Variants in PPARGC1A observed in about 807,000 individuals in gnomAD.
The protein encoded by PPARGC1A is PPARG coactivator 1 alpha, also known as peroxisome proliferator-activated receptor gamma coactivator 1-alpha.
PPARGC1A carries 25 observed loss-of-function variants against 88.7 expected under a neutral mutation model. The ratio of observed to expected loss-of-function variants is 0.28; its 90% CI spans 0.21 to 0.39. The LOEUF (loss-of-function observed/expected upper bound fraction) is 0.39, where lower values mean the gene tolerates loss of function less well. Among genes scored for constraint, PPARGC1A ranks in the 10% least tolerant of loss-of-function variants. PPARGC1A has a pLI of 1.00. For synonymous variants in PPARGC1A, 363 were observed against 355.6 expected (o/e 1.02, Z -0.24); for missense variants, 880 against 968.7 (o/e 0.91, Z 1.22).
the PPARGC1A span, among the ~76,000 whole-genome samples, chr4:24,161,731 G>C: frequency 6.6e-6 from 1 of 152,180 alleles, no homozygotes; most frequent in Admixed American, 6.5e-5. Flanking sequence ...GAGAAGGTCA[G>C]CAGGAAGGGG....
At chr4:24,252,211 A>C in the PPARGC1A span, among the ~76,000 whole-genome samples, 1 of 152,186 alleles carries the variant, frequency 6.6e-6, no homozygotes, top group Non-Finnish European at 1.5e-5. Flanking sequence ...TGTAAACATG[A>C]CTTGAGGGCA....
chr4:24,274,333 C>T, the PPARGC1A span, among the ~76,000 whole-genome samples: 1 of 152,058 alleles, frequency 6.6e-6, no homozygotes, highest in East Asian at 1.9e-4. Context: ...TCTGATATGG[C>T]CAGAACACAG....
chr4:24,112,449 C>G, the PPARGC1A span, among the ~76,000 whole-genome samples: 2 of 152,294 alleles, frequency 1.3e-5, no homozygotes, highest in South Asian at 2.1e-4. Context: ...AATTTTACCA[C>G]AAGCCTCAAG....
intron 2 of PPARGC1A, among the ~76,000 whole-genome samples, chr4:23,840,190 T>C (rs528539203): frequency 3.9e-5 from 6 of 152,136 alleles, no homozygotes; most frequent in Non-Finnish European, 7.4e-5. Flanking sequence ...GATCGCCATA[T>C]AATTTATCAT....
the PPARGC1A span, among the ~76,000 whole-genome samples, chr4:24,213,085 C>T: frequency 3.3e-5 from 5 of 151,728 alleles, no homozygotes; most frequent in African/African-American, 7.3e-5. Flanking sequence ...TGTCATGCTT[C>T]TAATCTAGTC....
the PPARGC1A span, among the ~76,000 whole-genome samples, chr4:24,089,663 G>A: frequency 1.3e-5 from 2 of 151,790 alleles, no homozygotes; most frequent in Non-Finnish European, 1.5e-5. Flanking sequence ...GGCGCCCGCC[G>A]CCACGCCCGG....
intron 5 of PPARGC1A, 146 bp downstream of exon 5, chr4:23,828,254 C>G: frequency 1.2e-6 from 1 of 816,288 alleles, no homozygotes; most frequent in East Asian, 2.6e-5. Context: ...GGTTTCTTCC[C>G]CCGCTCTGTA....
At chr4:24,240,568 C>T in the PPARGC1A span, among the ~76,000 whole-genome samples, 2 of 152,134 alleles carry the variant, frequency 1.3e-5, no homozygotes, top group East Asian at 3.9e-4. Context: ...TTAAAATAAC[C>T]CCTGTAGGAG....
At chr4:24,200,973 T>C in the PPARGC1A span, among the ~76,000 whole-genome samples, 1 of 152,164 alleles carries the variant, frequency 6.6e-6, no homozygotes, top group African/African-American at 2.4e-5. Context: ...TCAGCAAACA[T>C]TTATTTAGTG....
At chr4:24,204,302 T>A in the PPARGC1A span, among the ~76,000 whole-genome samples, 1 of 152,334 alleles carries the variant, frequency 6.6e-6, no homozygotes, top group Non-Finnish European at 1.5e-5. Flanking sequence ...ATCTGGTCCT[T>A]TAATCAGTGC....
At chr4:24,026,851 C>T in the PPARGC1A span, among the ~76,000 whole-genome samples, 2 of 152,126 alleles carry the variant, frequency 1.3e-5, no homozygotes, top group African/African-American at 4.8e-5. Context: ...GAAGAGAACT[C>T]GCGCTGCAGG....
chr4:24,378,587 G>A, the PPARGC1A span, among the ~76,000 whole-genome samples: 3 of 152,030 alleles, frequency 2.0e-5, no homozygotes, highest in Non-Finnish European at 4.4e-5. Context: ...AATGAATCCT[G>A]GATTACTAGT....
the PPARGC1A span, among the ~76,000 whole-genome samples, chr4:24,449,242 A>T: frequency 3.2e-3 from 490 of 152,134 alleles, 3 homozygotes; most frequent in African/African-American, 0.011. Flanking sequence ...CCTTGGGGAG[A>T]TGGATTTGAG....
chr4:24,178,981 T>C, the PPARGC1A span, among the ~76,000 whole-genome samples: 4 of 152,324 alleles, frequency 2.6e-5, no homozygotes, highest in Admixed American at 1.3e-4. Flanking sequence ...CAGCTTATCT[T>C]CATTTTTTTG....
At chr4:24,107,338 T>C in the PPARGC1A span, among the ~76,000 whole-genome samples, 4 of 152,212 alleles carry the variant, frequency 2.6e-5, no homozygotes, top group Non-Finnish European at 4.4e-5. Flanking sequence ...TTGGGTACAA[T>C]AGTAGCTCTG....
the PPARGC1A span, among the ~76,000 whole-genome samples, chr4:23,914,766 A>T: frequency 6.6e-6 from 1 of 152,244 alleles, no homozygotes; most frequent in Non-Finnish European, 1.5e-5. Context: ...ATGTCAGTCA[A>T]TATCAAGATG....
intron 7 of PPARGC1A, among the ~76,000 whole-genome samples, chr4:23,820,834 T>G (rs1722883717): frequency 6.6e-6 from 1 of 152,154 alleles, no homozygotes; most frequent in Admixed American, 6.6e-5. Flanking sequence ...CATTTCCACT[T>G]AAACATTTGG....
the PPARGC1A span, among the ~76,000 whole-genome samples, chr4:24,223,478 G>T: frequency 1.6e-4 from 25 of 152,262 alleles, 1 homozygote; most frequent in African/African-American, 6.0e-4. Flanking sequence ...TTGAACTCCT[G>T]ACCTCAAATG....
chr4:24,445,475 G>A, the PPARGC1A span, among the ~76,000 whole-genome samples: 82 of 152,228 alleles, frequency 5.4e-4, no homozygotes, highest in Middle Eastern at 3.4e-3. Context: ...GCCCTGTTTG[G>A]AATACACACA....
Sources: gnomAD v4.1 joint callset for allele counts (sites outside exome capture counted in the v4.1 genomes callset) on GRCh38, gnomAD v4.1.1 for gene constraint, MANE v1.5 for transcripts, NCBI Gene and HGNC (gene_info 2026-07-23, HGNC 2026-07-21) for gene names.